SYNE2: variants seen among roughly 807,000 people sequenced by gnomAD.
SYNE2 encodes the protein nesprin-2.
In SYNE2, 431 loss-of-function variants were observed where a neutral mutation model predicts 856.3. That is an observed-to-expected ratio of 0.50 (90% CI 0.47 to 0.55). The LOEUF is 0.55. Among genes scored for constraint, SYNE2 ranks in the 20% least tolerant of loss-of-function variants. SYNE2 has a pLI of 0.00. For missense variants in SYNE2, 8,129 were observed against 8,023.2 expected (o/e 1.01, Z -0.50); for synonymous variants, 2,923 against 2,872.3 (o/e 1.02, Z -0.56).
intron 96 of SYNE2, among the ~76,000 whole-genome samples, chr14:64,182,914 G>T (rs1188299188): frequency 6.6e-6 from 1 of 152,214 alleles, no homozygotes; most frequent in Non-Finnish European, 1.5e-5. Flanking sequence ...CCTCCTAGAC[G>T]GGGTGACGGC....
At chr14:63,819,825 G>A (rs1203688806) in intron 1 of SYNE2, among the ~76,000 whole-genome samples, 4 of 132,044 alleles carry the variant, frequency 3.0e-5, no homozygotes, top group South Asian at 2.6e-4. Flanking sequence ...CGTGAGCACC[G>A]CATCCTGCCC....
At chr14:63,980,000 T>C (rs977041181) in intron 14 of SYNE2, among the ~76,000 whole-genome samples, 5 of 152,196 alleles carry the variant, frequency 3.3e-5, no homozygotes. Flanking sequence ...GAAATTTACT[T>C]CCAGTTTATG....
intron 1 of SYNE2, among the ~76,000 whole-genome samples, chr14:63,900,794 A>G (rs925776782): frequency 2.6e-5 from 4 of 152,224 alleles, no homozygotes; most frequent in African/African-American, 4.8e-5. Context: ...GGAAAAGTTA[A>G]TGGGAAAAAG....
intron 55 of SYNE2, among the ~76,000 whole-genome samples, chr14:64,079,670 T>C (rs1412682359): frequency 6.6e-6 from 1 of 152,242 alleles, no homozygotes; most frequent in Non-Finnish European, 1.5e-5. Flanking sequence ...TAGAGCTTTC[T>C]GCCTCTGCAT....
intron 68 of SYNE2, among the ~76,000 whole-genome samples, 159 bp from the exon 69 acceptor site, chr14:64,121,853 G>A (rs1379634659): frequency 6.6e-6 from 1 of 152,164 alleles, no homozygotes; most frequent in Non-Finnish European, 1.5e-5. Context: ...TAGGTTTTTG[G>A]GAAGTGAGAG....
chr14:64,166,427 C>T (rs963992665), intron 90 of SYNE2, among the ~76,000 whole-genome samples: 1 of 152,180 alleles, frequency 6.6e-6, no homozygotes, highest in Non-Finnish European at 1.5e-5. Context: ...GTTTGCTTGT[C>T]AGCTTAGAAG....
intron 1 of SYNE2, among the ~76,000 whole-genome samples, chr14:63,821,840 G>A (rs1368328724): frequency 6.6e-6 from 1 of 151,996 alleles, no homozygotes; most frequent in African/African-American, 2.4e-5. Flanking sequence ...AAATCAAATT[G>A]TTCAAAACAT....
rs114999105 is a variant in SYNE2, at chr14:64,151,708, C to T, written c.15640-856C>T. Among the ~76,000 whole-genome samples, 176 of 152,248 alleles carry T rather than the reference C, an allele frequency of 1.2e-3. 1 individual carries two copies. Among genetic ancestry groups the T allele is most frequent in the African/African-American group, 4.1e-3 (169 of 41,552 alleles). On this transcript the variant is annotated intron_variant, in intron 84 of 115. Coordinates refer to ENST00000555002, the MANE Select transcript of SYNE2 (RefSeq NM_182914.3). ...TAATGCTAAAGAAAGTATGCAGAAGCGCGTCCCAAATTTGTGAATTGGGAG... is the reference window on the plus strand; with the variant it reads ...TAATGCTAAAGAAAGTATGCAGAAGTGCGTCCCAAATTTGTGAATTGGGAG...
intron 1 of SYNE2, among the ~76,000 whole-genome samples, chr14:63,885,283 G>A (rs1252896342): frequency 6.6e-6 from 1 of 152,036 alleles, no homozygotes; most frequent in South Asian, 2.1e-4. Flanking sequence ...TTTCTCCTCT[G>A]CTCACTCCTG....
At chr14:64,098,427 C>T (rs747480003) in intron 62 of SYNE2, 168 of 587,366 alleles carry the variant, frequency 2.9e-4, no homozygotes, top group South Asian at 7.9e-4. Flanking sequence ...GAAGTATCTT[C>T]GTACAGAAAA....
At chr14:63,768,175 G>C (rs759182827) in intron 1 of SYNE2, among the ~76,000 whole-genome samples, 2 of 151,772 alleles carry the variant, frequency 1.3e-5, no homozygotes, top group South Asian at 2.1e-4. Flanking sequence ...GGGTGATGAA[G>C]TGAGACCATG....
chr14:64,018,583 C>G (rs4899131), intron 34 of SYNE2, among the ~76,000 whole-genome samples: 134,581 of 152,266 alleles, frequency 0.88, 59,677 homozygotes, highest in Non-Finnish European at 0.93. Context: ...AATATTTTAG[C>G]CTTGTGGATC....
intron 92 of SYNE2, among the ~76,000 whole-genome samples, chr14:64,168,269 A>G (rs1024786927): frequency 5.3e-5 from 8 of 152,112 alleles, no homozygotes; most frequent in African/African-American, 1.4e-4. Context: ...GCACCTGGCT[A>G]ATTTTTGTAT....
At chr14:63,884,443 C>T (rs956049893) in intron 1 of SYNE2, among the ~76,000 whole-genome samples, 3 of 152,082 alleles carry the variant, frequency 2.0e-5, no homozygotes, top group African/African-American at 7.2e-5. Context: ...GAACTGGATA[C>T]AAAGAAGAAA....
chr14:64,218,344 C>A, intron 108 of SYNE2, 54 bp from the exon 109 acceptor site: 1 of 1,500,318 alleles, frequency 6.7e-7, no homozygotes, highest in Non-Finnish European at 9.2e-7. Context: ...TCCAGTTGTT[C>A]TTCAGATATC....
Position 64,052,333 on chromosome 14 carries a change from C to T in SYNE2, c.8420C>T (p.Thr2807Ile). ...TATGAGGGCAGTGATTTAAATAATA[C>T]CCTAGAGGACTTACGGAATCAATAC... ...TTYEGSDLNN[T>I]LEDLRNQYQM... The change falls in exon 48 of 116, where the codon ACC becomes ATC. Residue 2807 changes from threonine (T) to isoleucine (I), a missense_variant. Around this residue, in one of 3 missense-constraint regions of SYNE2, gnomAD observed 5,410 missense variants for 5,284.8 expected, o/e 1.02. Transcript: ENST00000555002. 1 of 1,614,078 alleles carries T rather than the reference C, an allele frequency of 6.2e-7. No homozygotes were observed. Among genetic ancestry groups the T allele is most frequent in the South Asian group, 1.1e-5 (1 of 91,078 alleles).
intron 10 of SYNE2, among the ~76,000 whole-genome samples, chr14:63,966,855 T>C (rs1254727911): frequency 2.6e-5 from 4 of 152,100 alleles, no homozygotes; most frequent in East Asian, 1.9e-4. Flanking sequence ...CCTCAGTGCC[T>C]GGCCAGTTGA....
chr14:64,152,777 G>A (rs557695327), intron 85 of SYNE2, 61 bp downstream of exon 85: 25 of 1,605,440 alleles, frequency 1.6e-5, no homozygotes, highest in East Asian at 8.9e-5. Flanking sequence ...CTTATTTGTC[G>A]TTGTAGTTGT....
intron 1 of SYNE2, among the ~76,000 whole-genome samples, chr14:63,874,283 G>T (rs1566675755): frequency 6.6e-6 from 1 of 152,146 alleles, no homozygotes; most frequent in South Asian, 2.1e-4. Context: ...GGTACTGGAG[G>T]TTGCCTTTTC....
Sources: allele counts gnomAD v4.1 joint callset (sites outside exome capture counted in the v4.1 genomes callset), GRCh38; gene constraint gnomAD v4.1.1; regional missense constraint gnomAD v4.1.1; transcripts MANE v1.5; gene names NCBI Gene and HGNC (gene_info 2026-07-23, HGNC 2026-07-21).